The following UBE2Q2 variants were observed in gnomAD, a reference collection of about 807,000 sequenced individuals.
UBE2Q2 encodes the protein ubiquitin-conjugating enzyme E2 Q2.
Under a neutral mutation model 59.9 loss-of-function variants are expected in UBE2Q2, and 54 were observed. The observed-to-expected ratio is 0.90, with a 90% CI of 0.72 to 1.13. The LOEUF is 1.13. Ranked by LOEUF, UBE2Q2 falls within the 50% of genes most tolerant of loss-of-function variation. The pLI, the probability that UBE2Q2 is intolerant of heterozygous loss-of-function variation, is 0.00. For synonymous variants in UBE2Q2, 165 were observed against 155.2 expected (o/e 1.06, Z -0.47); for missense variants, 433 against 441.9 (o/e 0.98, Z 0.18).
At chr15:75,853,510 A>G (rs1896743333) in intron 1 of UBE2Q2, among the ~76,000 whole-genome samples, 1 of 151,492 alleles carries the variant, frequency 6.6e-6, no homozygotes, top group Non-Finnish European at 1.5e-5. Context: ...ATATATATGT[A>G]TGTATGTATG....
Position 75,860,057 on chromosome 15 carries a change from CTTT to C in UBE2Q2, c.387+78_387+80del. The C allele has an allele frequency of 6.7e-6, 7 of 1,052,464 alleles. No homozygotes were observed. The South Asian group carries it at 1.1e-4, about 16-fold the overall frequency. 65.2% of individuals were successfully genotyped at this position (1,052,464 alleles called of 1,614,324 possible). ...CAAAAGTCAAACTAGGATGATTTTT[CTTT>C]TTATTGTTCAACTTATTTAGAAGTT... On this transcript the variant is annotated intron_variant, in intron 3 of 12. Coordinates refer to ENST00000267938, the MANE Select transcript of UBE2Q2 (RefSeq NM_173469.4).
chr15:75,897,343 A>G (rs1237629330), intron 12 of UBE2Q2, among the ~76,000 whole-genome samples: 1 of 151,988 alleles, frequency 6.6e-6, no homozygotes, highest in Non-Finnish European at 1.5e-5. Flanking sequence ...GGTTCATGCC[A>G]TTCTCCTGCC....
intron 9 of UBE2Q2, among the ~76,000 whole-genome samples, chr15:75,885,585 G>A (rs369665455): frequency 2.0e-4 from 31 of 152,248 alleles, no homozygotes; most frequent in African/African-American, 7.5e-4. Context: ...GTGTCCTCTG[G>A]CTTACTCTCT....
chr15:75,892,706 G>GC (rs573495272), intron 11 of UBE2Q2, among the ~76,000 whole-genome samples: 7 of 151,708 alleles, frequency 4.6e-5, no homozygotes, highest in Non-Finnish European at 7.4e-5. Flanking sequence ...CAAAAAATAC[G>GC]CCCCCCACCC....
rs2141682816 is a variant in UBE2Q2 at position 75,897,014 on chromosome 15, G to A, written c.1049G>A (p.Arg350Lys). The A allele has an allele frequency of 6.4e-7, 1 of 1,569,864 alleles. No individual in the cohort carries two copies. Among genetic ancestry groups the A allele is most frequent in the East Asian group, 2.3e-5 (1 of 43,220 alleles). Residue 350 changes from arginine to lysine, a missense_variant, in exon 12 of 13, where the codon AGA (arginine) becomes AAA (lysine). By Grantham distance (26) the Arg-to-Lys change is conservative. Transcript: ENST00000267938. The part of the protein sequence containing the change: ...GANKNQYNLA[R>K]AQQSYNSIVQ... ...TTTCAGAATCAATATAATCTAGCAA[G>A]AGCCCAACAATCCTATAATTCCATT...
At chr15:75,886,042 T>TA (rs1898746255) in intron 9 of UBE2Q2, among the ~76,000 whole-genome samples, 3 of 152,194 alleles carry the variant, frequency 2.0e-5, no homozygotes, top group African/African-American at 4.8e-5. Flanking sequence ...TCATAGTTCT[T>TA]ACGTTTTTCA....
intron 4 of UBE2Q2, among the ~76,000 whole-genome samples, chr15:75,871,974 G>A (rs1397000525): frequency 1.3e-5 from 2 of 152,174 alleles, no homozygotes; most frequent in Admixed American, 1.3e-4. Flanking sequence ...GGTATAGGAG[G>A]AAATACAGGC....
intron 11 of UBE2Q2, among the ~76,000 whole-genome samples, chr15:75,892,188 C>G (rs1236914335): frequency 6.6e-6 from 1 of 152,140 alleles, no homozygotes; most frequent in Admixed American, 6.5e-5. Flanking sequence ...GTAAAGTGGT[C>G]TCATGTTAGT....
At chr15:75,853,267 C>G (rs2593276) in intron 1 of UBE2Q2, among the ~76,000 whole-genome samples, 1 of 152,014 alleles carries the variant, frequency 6.6e-6, no homozygotes, top group Non-Finnish European at 1.5e-5. Context: ...ATCAGGAGTT[C>G]AAGACCAGCC....
At chr15:75,874,480 C>T (rs1343978292) in intron 5 of UBE2Q2, among the ~76,000 whole-genome samples, 1 of 151,816 alleles carries the variant, frequency 6.6e-6, no homozygotes, top group East Asian at 1.9e-4. Context: ...GACAGGGTTT[C>T]ACCATGTTGG....
chr15:75,892,014 A>AATCC (rs1483352619), intron 11 of UBE2Q2, among the ~76,000 whole-genome samples: 2 of 152,172 alleles, frequency 1.3e-5, no homozygotes, highest in Non-Finnish European at 2.9e-5. Flanking sequence ...TCTCCCACAG[A>AATCC]ATCCCCTAGA....
chr15:75,876,065 CA>C (rs33923600), intron 5 of UBE2Q2, 121 bp from the exon 6 acceptor site: 16,643 of 527,966 alleles, frequency 0.032, no homozygotes, highest in South Asian at 0.039. Context: ...ACTCCATCTC[CA>C]AAAAAAAAAA....
intron 11 of UBE2Q2, among the ~76,000 whole-genome samples, chr15:75,895,462 T>TACTTTA (rs1899358881): frequency 6.6e-6 from 1 of 151,952 alleles, no homozygotes; most frequent in Admixed American, 6.6e-5. Flanking sequence ...GGATTACAGG[T>TACTTTA]GTGAGCCACC....
At chr15:75,870,763 G>A (rs1897742538) in intron 4 of UBE2Q2, among the ~76,000 whole-genome samples, 1 of 152,100 alleles carries the variant, frequency 6.6e-6, no homozygotes, top group African/African-American at 2.4e-5. Context: ...TTGATGGGTG[G>A]AAGTCATGAA....
At chr15:75,873,351 AT>A in intron 4 of UBE2Q2, 76 bp from the exon 5 acceptor site, 1 of 1,398,600 alleles carries the variant, frequency 7.2e-7, no homozygotes, top group African/African-American at 1.5e-5. Flanking sequence ...GTCAAGAATA[AT>A]TTAATGTTAT....
intron 8 of UBE2Q2, among the ~76,000 whole-genome samples, chr15:75,880,490 T>C (rs1898345882): frequency 6.6e-6 from 1 of 151,812 alleles, no homozygotes; most frequent in African/African-American, 2.4e-5. Flanking sequence ...AATGATTTTT[T>C]TTTTTTTTTG....
intron 11 of UBE2Q2, 32 bp downstream of exon 11, chr15:75,891,046 A>G (rs542800961): frequency 5.3e-6 from 8 of 1,516,268 alleles, no homozygotes; most frequent in Non-Finnish European, 7.3e-6. Context: ...CATAAACCAT[A>G]AGATACATTT....
At chr15:75,855,317 C>T (rs112689413) in intron 2 of UBE2Q2, among the ~76,000 whole-genome samples, 1,792 of 152,074 alleles carry the variant, frequency 0.012, 29 homozygotes, top group African/African-American at 0.041. Flanking sequence ...ATGGTGAAAC[C>T]CTGTCTCTGC....
intron 1 of UBE2Q2, among the ~76,000 whole-genome samples, chr15:75,848,849 T>C (rs573813744): frequency 4.6e-5 from 7 of 152,278 alleles, no homozygotes; most frequent in Non-Finnish European, 1.0e-4. Context: ...AACAGTGTTA[T>C]GTGATCTCTT....
Sources: allele counts gnomAD v4.1 joint callset (sites outside exome capture counted in the v4.1 genomes callset), GRCh38; gene constraint gnomAD v4.1.1; transcripts MANE v1.5; gene names NCBI Gene and HGNC (gene_info 2026-07-23, HGNC 2026-07-21).